ADGRG4: variants seen among roughly 807,000 people sequenced by gnomAD.
The protein encoded by ADGRG4 is adhesion G protein-coupled receptor G4, also known as G protein-coupled receptor 112.
A neutral mutation model predicts 126.2 loss-of-function variants in ADGRG4; 122 were observed. That is an observed-to-expected ratio of 0.97 (90% CI 0.83 to 1.12). The LOEUF (loss-of-function observed/expected upper bound fraction) is 1.12. ADGRG4 is among the 50% of genes most tolerant of loss of function. ADGRG4 has a pLI of 0.00. For missense variants in ADGRG4, 2,481 were observed against 2,251.8 expected (o/e 1.10, Z -2.06); for synonymous variants, 943 against 838.7 (o/e 1.12, Z -2.15).
At position 136,346,087 on chromosome X, in the gene ADGRG4, G is replaced by A. The variant is rs778906042; in HGVS notation, c.2381G>A (p.Cys794Tyr). 3.3e-6 allele frequency: 4 copies of A among 1,209,606 alleles called. No homozygotes were observed. The highest frequency in any genetic ancestry group is 3.4e-6 in the Non-Finnish European group (3 of 894,072). ...PSVDIISTLA[C>Y]IQPNFSTEES... ...GTAGATATAATATCTACTCTTGCTT[G>A]CATTCAACCAAATTTTTCTACTGAG... Residue 794 changes from cysteine to tyrosine, a missense_variant, in exon 6 of 26, where the codon TGC (cysteine) becomes TAC (tyrosine). Coordinates refer to ENST00000394143, the MANE Select transcript of ADGRG4 (RefSeq NM_153834.4).
intron 15 of ADGRG4, among the ~76,000 whole-genome samples, chrX:136,380,608 T>G (rs1162355250): frequency 2.3e-5 from 1 of 44,436 alleles, no homozygotes; most frequent in Non-Finnish European, 4.0e-5. Context: ...CTCCTCCTCT[T>G]CTTCTTCTTC....
At chrX:136,386,439 G>A (rs977565702) in intron 15 of ADGRG4, among the ~76,000 whole-genome samples, 1 of 111,911 alleles carries the variant, frequency 8.9e-6, no homozygotes, top group Non-Finnish European at 1.9e-5. Flanking sequence ...GCTTAGCAAA[G>A]AGCCATATGG....
chrX:136,330,948 C>CT (rs746181336), intron 5 of ADGRG4, among the ~76,000 whole-genome samples: 15 of 110,674 alleles, frequency 1.4e-4, no homozygotes, highest in African/African-American at 4.3e-4. Flanking sequence ...TTCTTTCTAA[C>CT]TTTTTTTTGT....
chrX:136,314,606 C>A (rs1227719632), intron 4 of ADGRG4, among the ~76,000 whole-genome samples: 1 of 112,332 alleles, frequency 8.9e-6, no homozygotes, highest in Non-Finnish European at 1.9e-5. Flanking sequence ...TCTTAACTAT[C>A]CTACATAATG....
At position 136,345,453 on chromosome X, in the gene ADGRG4, G is replaced by A; in HGVS notation, c.1747G>A (p.Ala583Thr). ...TVIDAEATRTALTPEITLAST... is the reference protein window; with the variant it reads ...TVIDAEATRTTLTPEITLAST... ...TATTGATGCTGAAGCTACACGTACAGCCTTAACTCCTGAAATCACACTTGC... is the reference window on the plus strand; with the variant it reads ...TATTGATGCTGAAGCTACACGTACAACCTTAACTCCTGAAATCACACTTGC... Residue 583 changes from alanine (A) to threonine (T), a missense_variant, in exon 6 of 26, where the codon GCC becomes ACC. Ala to Thr is a moderately conservative substitution (Grantham distance 58). Transcript: ENST00000394143. 8.3e-7 allele frequency: 1 copy of A among 1,210,335 alleles called. No individual in the cohort carries two copies. Among genetic ancestry groups the A allele is most frequent in the Non-Finnish European group, 1.1e-6 (1 of 894,433 alleles).
Position 136,347,648 on chromosome X carries a change from G to A in ADGRG4, c.3942G>A (p.Ser1314=), listed in dbSNP as rs746793376. The change falls in exon 6 of 26, where the codon TCG becomes TCA. Residue 1314 remains serine (S), a synonymous_variant. Transcript: ENST00000394143. ...AAATTTCCAGTCACCAAACACATTCGCCTTCAGAGATTCCACTTGGGACTC... is the reference window on the plus strand; with the variant it reads ...AAATTTCCAGTCACCAAACACATTCACCTTCAGAGATTCCACTTGGGACTC... ...TTKISSHQTH[S]PSEIPLGTPS... 38 of 1,207,768 alleles carry A rather than the reference G, an allele frequency of 3.1e-5. No homozygotes were observed. The highest frequency in any genetic ancestry group is 2.7e-4 in the East Asian group (9 of 33,720).
At chrX:136,406,256 C>T (rs781525551) in intron 23 of ADGRG4, among the ~76,000 whole-genome samples, 3 of 112,443 alleles carry the variant, frequency 2.7e-5, no homozygotes, top group Non-Finnish European at 3.8e-5. Flanking sequence ...TTCACACTCA[C>T]GTTGACTTTT....
At chrX:136,342,460 G>A (rs926331409) in intron 5 of ADGRG4, among the ~76,000 whole-genome samples, 2 of 111,728 alleles carry the variant, frequency 1.8e-5, no homozygotes, top group African/African-American at 6.5e-5. Flanking sequence ...AAAATCACAT[G>A]CAAACAAAGG....
chrX:136,391,355 T>C (rs953699127), intron 16 of ADGRG4, among the ~76,000 whole-genome samples: 13 of 111,577 alleles, frequency 1.2e-4, no homozygotes, highest in African/African-American at 3.9e-4. Flanking sequence ...ACAGGCAGCA[T>C]CTCAGCTGAC....
At chrX:136,338,447 C>T (rs2074960762) in intron 5 of ADGRG4, among the ~76,000 whole-genome samples, 1 of 111,128 alleles carries the variant, frequency 9.0e-6, no homozygotes, top group South Asian at 3.8e-4. Context: ...CAAGCCTGGC[C>T]CCATTTTTTT....
In ADGRG4 at chrX:136,388,484, A is replaced by C. The variant is rs545719101; in HGVS notation, c.7911+610A>C. Among the ~76,000 whole-genome samples the C allele has an allele frequency of 1.0e-3, 118 of 112,450 alleles. 1 individual carries two copies. In the South Asian group the frequency reaches 0.043, roughly 41 times the overall value. ...TCCTCAAGCAAGTTACTCAACCTTC[A>C]TGTGCCTTAATTTCCTTCTCTGTAG... On this transcript the variant is annotated intron_variant, in intron 16 of 25. Coordinates refer to ENST00000394143, the MANE Select transcript of ADGRG4 (RefSeq NM_153834.4).
At chrX:136,320,829 G>A (rs1490534556) in intron 4 of ADGRG4, among the ~76,000 whole-genome samples, 1 of 111,204 alleles carries the variant, frequency 9.0e-6, no homozygotes, top group Non-Finnish European at 1.9e-5. Context: ...TGAGGTGGGA[G>A]GATTGCTTGA....
At chrX:136,361,403 A>G (rs1378005497) in intron 11 of ADGRG4, 52 bp from the exon 12 acceptor site, 2 of 813,175 alleles carry the variant, frequency 2.5e-6, no homozygotes, top group Non-Finnish European at 3.3e-6. Context: ...GATGTTTGTA[A>G]TACTTTTAAG....
At chrX:136,399,767 T>C in intron 20 of ADGRG4, 81 bp from the exon 21 acceptor site, 4 of 821,486 alleles carry the variant, frequency 4.9e-6, no homozygotes, top group South Asian at 5.3e-5. Flanking sequence ...CTTTCACTTA[T>C]TATGTAGATA....
chrX:136,373,111 T>G lies in ADGRG4; in HGVS notation c.7776+47T>G, dbSNP rs755583045. On this transcript the variant is annotated intron_variant, in intron 15 of 25. Coordinates refer to ENST00000394143, the MANE Select transcript of ADGRG4 (RefSeq NM_153834.4). ...GAGAGCCAATCAGCCAAGCACTGTT[T>G]CAGGTCTTCATTCATTTACTCCTTG... 6 of 1,086,371 alleles carry G rather than the reference T, an allele frequency of 5.5e-6. No individual in the cohort carries two copies. In the South Asian group the frequency reaches 1.3e-4, roughly 24 times the overall value. The allele number at this position is 1,086,371 out of a possible 1,213,427, so 89.5% of individuals were successfully genotyped here. A position where few individuals can be genotyped will look rare whatever the true frequency, so the allele number is the denominator to read the frequency against.
At chrX:136,326,357 C>G (rs973106916) in intron 5 of ADGRG4, among the ~76,000 whole-genome samples, 1 of 111,796 alleles carries the variant, frequency 8.9e-6, no homozygotes, top group Non-Finnish European at 1.9e-5. Flanking sequence ...AAGTTCTTAC[C>G]GTGTGCCAGG....
Position 136,350,106 on chromosome X carries a change from T to C in ADGRG4, c.6400T>C (p.Ser2134Pro). 8.3e-7 allele frequency: 1 copy of C among 1,209,061 alleles called. No homozygotes were observed. The highest frequency in any genetic ancestry group is 3.0e-5 in the East Asian group (1 of 33,811). Residue 2134 changes from serine to proline, a missense_variant, in exon 6 of 26, where the codon TCT becomes CCT. Transcript: ENST00000394143. ...CTTCAGCAGAAAGACTATGTCACCT[T>C]CTACAACTGACCACACTCTATCTGT... ...SSFSRKTMSP[S>P]TTDHTLSVGA...
intron 5 of ADGRG4, 42 bp downstream of exon 5, chrX:136,323,434 T>C: frequency 1.7e-6 from 2 of 1,142,942 alleles, no homozygotes; most frequent in Non-Finnish European, 2.4e-6. Flanking sequence ...AGGGTAGTGT[T>C]GACACAGTAC....
chrX:136,310,025 T>C (rs1984916275), intron 4 of ADGRG4, among the ~76,000 whole-genome samples: 1 of 111,598 alleles, frequency 9.0e-6, no homozygotes, highest in African/African-American at 3.3e-5. Flanking sequence ...TAGAGCAATC[T>C]AGAATAGTGG....
Sources: allele counts gnomAD v4.1 joint callset (sites outside exome capture counted in the v4.1 genomes callset), GRCh38; gene constraint gnomAD v4.1.1; transcripts MANE v1.5; gene names NCBI Gene and HGNC (gene_info 2026-07-23, HGNC 2026-07-21).